SMAD6: variants seen among roughly 807,000 people sequenced by gnomAD.
The protein encoded by SMAD6 is MAD homolog 6.
SMAD6 carries 103 observed loss-of-function variants against 39.4 expected under a neutral mutation model. The ratio of observed to expected loss-of-function variants is 2.62; its 90% CI spans 2.23 to 3.08. SMAD6 has a LOEUF of 3.08. SMAD6 is among the 30% of genes most tolerant of loss of function. SMAD6 has a pLI of 0.00. For missense variants in SMAD6, 1,104 were observed against 742.9 expected (o/e 1.49, Z -5.65); for synonymous variants, 445 against 353.3 (o/e 1.26, Z -2.91).
chr15:66,718,407 T>C (rs1379732457), intron 3 of SMAD6, among the ~76,000 whole-genome samples: 2 of 152,166 alleles, frequency 1.3e-5, no homozygotes, highest in Non-Finnish European at 2.9e-5. Flanking sequence ...TCTTTGGTAC[T>C]GGGTGGTGAG....
chr15:66,732,876 A>C (rs898496983), intron 3 of SMAD6, among the ~76,000 whole-genome samples: 4 of 152,036 alleles, frequency 2.6e-5, no homozygotes, highest in African/African-American at 9.7e-5. Flanking sequence ...TGTCAGTTAT[A>C]TGAATAATTC....
In SMAD6 at chr15:66,781,578, C is replaced by A; in HGVS notation, c.*43C>A. ...GGGGCGGGTGGGAGGCCGCGGCCAC[C>A]GCCACCTGCCGGCCTCGAGAGGGGC... is the stretch of plus-strand genomic sequence containing the variant. On this transcript the variant is annotated 3_prime_UTR_variant, in exon 4 of 4. Transcript: ENST00000288840. The A allele has an allele frequency of 6.3e-6, 9 of 1,420,248 alleles. No individual in the cohort carries two copies. The highest frequency in any genetic ancestry group is 7.4e-6 in the Non-Finnish European group (8 of 1,082,272). 88.0% of individuals were successfully genotyped at this position (1,420,248 alleles called of 1,614,324 possible). A position where few individuals can be genotyped will look rare whatever the true frequency, so the allele number is the denominator to read the frequency against.
chr15:66,761,295 G>T (rs1371735938), intron 3 of SMAD6, among the ~76,000 whole-genome samples: 1 of 152,182 alleles, frequency 6.6e-6, no homozygotes, highest in Non-Finnish European at 1.5e-5. Flanking sequence ...CGGGTGTGCA[G>T]AGACTTTCTG....
chr15:66,769,112 C>T (rs866500182), intron 3 of SMAD6, among the ~76,000 whole-genome samples: 14 of 152,108 alleles, frequency 9.2e-5, no homozygotes, highest in African/African-American at 2.7e-4. Flanking sequence ...CATCGAGTGC[C>T]GGGTACTGTT....
At chr15:66,767,739 A>G (rs560567465) in intron 3 of SMAD6, among the ~76,000 whole-genome samples, 63 of 152,336 alleles carry the variant, frequency 4.1e-4, no homozygotes, top group Admixed American at 1.8e-3. Flanking sequence ...TGTTAATTAT[A>G]AAGCATTCCG....
At chr15:66,773,968 G>A (rs1454141028) in intron 3 of SMAD6, among the ~76,000 whole-genome samples, 2 of 152,200 alleles carry the variant, frequency 1.3e-5, no homozygotes, top group African/African-American at 4.8e-5. Flanking sequence ...TGGCCCAGGT[G>A]GGTGTGAAGC....
chr15:66,703,705 CCTGGAGCCGGCGGGCGGCG>C lies in SMAD6; in HGVS notation c.448_466del (p.Leu150GlyfsTer25). 2.2e-6 allele frequency: 3 copies of C among 1,342,790 alleles called. No individual in the cohort carries two copies. Among genetic ancestry groups the C allele is most frequent in the Non-Finnish European group, 2.9e-6 (3 of 1,033,786 alleles). The allele number at this position is 1,342,790 out of a possible 1,614,324, so 83.2% of individuals were successfully genotyped here. On this transcript the variant is annotated frameshift_variant, in exon 1 of 4. Transcript: ENST00000288840. LOFTEE classifies it high-confidence loss of function. ...CCAGCGACCCCCTGGCCGGGGCGGC[CCTGGAGCCGGCGGGCGGCG>C]GGCGGAGTCGCGAAGCGCGCTCGCG...
At chr15:66,737,110 G>C (rs1324807662) in intron 3 of SMAD6, among the ~76,000 whole-genome samples, 1 of 152,208 alleles carries the variant, frequency 6.6e-6, no homozygotes, top group Admixed American at 6.5e-5. Flanking sequence ...ACAGGTCTCC[G>C]GAGGAGCTGG....
chr15:66,736,829 C>T (rs919347403), intron 3 of SMAD6, among the ~76,000 whole-genome samples: 1 of 152,126 alleles, frequency 6.6e-6, no homozygotes, highest in African/African-American at 2.4e-5. Context: ...GCCACCACGC[C>T]CAGCTAATTT....
intron 3 of SMAD6, among the ~76,000 whole-genome samples, chr15:66,775,764 A>C (rs1010965063): frequency 2.6e-5 from 4 of 152,188 alleles, no homozygotes; most frequent in African/African-American, 9.6e-5. Flanking sequence ...ATTTATTTGC[A>C]ATTAAAGAGC....
At chr15:66,752,582 C>G (rs1894026137) in intron 3 of SMAD6, among the ~76,000 whole-genome samples, 1 of 151,648 alleles carries the variant, frequency 6.6e-6, no homozygotes, top group Non-Finnish European at 1.5e-5. Flanking sequence ...GCTGGGAGTT[C>G]GAGACCAGAC....
chr15:66,744,528 G>A (rs1020323030), intron 3 of SMAD6, among the ~76,000 whole-genome samples: 1 of 152,232 alleles, frequency 6.6e-6, no homozygotes, highest in African/African-American at 2.4e-5. Flanking sequence ...TCAGGGCCAC[G>A]TGGACTAGAC....
At chr15:66,707,349 C>T (rs1414403993) in intron 1 of SMAD6, 1 of 151,650 alleles carries the variant, frequency 6.6e-6, no homozygotes, top group Admixed American at 6.6e-5. Context: ...AGAGACAGAG[C>T]GAGAGAGAGA....
At chr15:66,711,570 T>C (rs1364871706) in intron 1 of SMAD6, 98 bp from the exon 2 acceptor site, 6 of 947,262 alleles carry the variant, frequency 6.3e-6, no homozygotes, top group Non-Finnish European at 1.0e-5. Context: ...TCCTGGAGGC[T>C]GAGTTTATTA....
chr15:66,775,957 G>A (rs1044024791), intron 3 of SMAD6, among the ~76,000 whole-genome samples: 6 of 152,226 alleles, frequency 3.9e-5, no homozygotes, highest in African/African-American at 1.2e-4. Flanking sequence ...GGGACCATGG[G>A]TTAGGGGGTG....
At position 66,704,635 on chromosome 15, in the gene SMAD6, C is replaced by T. The variant is rs200875209; in HGVS notation, c.817+560C>T. ...CAAAGCTTTGCAGGGTAACCCCTCT[C>T]TGGAGTAAAGAGCACCCTCTTTATT... On this transcript the variant is annotated intron_variant, in intron 1 of 3. Transcript: ENST00000288840. 2.6e-5 allele frequency: 4 copies of T among 152,298 alleles called. No homozygotes were observed. In the East Asian group the frequency reaches 7.7e-4, roughly 29 times the overall value. The allele number at this position is 152,298 out of a possible 1,614,324, so 9.4% of individuals were successfully genotyped here.
At position 66,704,092 on chromosome 15, in the gene SMAD6, G is replaced by C. The variant is rs770785932; in HGVS notation, c.817+17G>C. 1.4e-6 allele frequency: 2 copies of C among 1,431,858 alleles called. No individual in the cohort carries two copies. The highest frequency in any genetic ancestry group is 5.8e-5 in the Admixed American group (2 of 34,756). 88.7% of individuals were successfully genotyped at this position (1,431,858 alleles called of 1,614,324 possible). ...GCGGGCCCGGTGAGCGCGCTGCGCC[G>C]GCCGGGGGGGCCCCGGGTCCCCGTC... On this transcript the variant is annotated intron_variant, in intron 1 of 3. Coordinates refer to ENST00000288840, the MANE Select transcript of SMAD6 (RefSeq NM_005585.5).
At chr15:66,726,893 G>T (rs1296546722) in intron 3 of SMAD6, among the ~76,000 whole-genome samples, 2 of 151,844 alleles carry the variant, frequency 1.3e-5, no homozygotes, top group African/African-American at 4.8e-5. Context: ...AAATTCCCCA[G>T]GTGACTCTAA....
chr15:66,782,033 G>A lies in SMAD6; in HGVS notation c.*498G>A, dbSNP rs1894588473. ...CTTTTTACAAAGAGGGGCAGGTAGG[G>A]CTTCAGCGGATTTCTGACCCATCAT... is the stretch of plus-strand genomic sequence containing the variant. On this transcript the variant is annotated 3_prime_UTR_variant, in exon 4 of 4. Coordinates refer to ENST00000288840, the MANE Select transcript of SMAD6 (RefSeq NM_005585.5). The A allele has an allele frequency of 2.5e-6, 1 of 398,492 alleles. No individual in the cohort carries two copies. Among genetic ancestry groups the A allele is most frequent in the Non-Finnish European group, 4.4e-6 (1 of 225,954 alleles). The allele number at this position is 398,492 out of a possible 1,614,324, so 24.7% of individuals were successfully genotyped here.
Sources: gnomAD v4.1 joint callset for allele counts (sites outside exome capture counted in the v4.1 genomes callset) on GRCh38, gnomAD v4.1.1 for gene constraint, MANE v1.5 for transcripts, NCBI Gene and HGNC (gene_info 2026-07-23, HGNC 2026-07-21) for gene names.